The following SAR1B variants were observed in gnomAD, a reference collection of about 807,000 sequenced individuals.
SAR1B encodes secretion associated Ras related GTPase 1B, also known as small COPII coat GTPase SAR1B.
SAR1B carries 23 observed loss-of-function variants against 26.8 expected under a neutral mutation model. That is an observed-to-expected ratio of 0.86 (90% CI 0.62 to 1.22). The LOEUF is 1.22. Among genes scored for constraint, SAR1B ranks in the 50% most tolerant of loss-of-function variants. The probability of loss-of-function intolerance (pLI) is 0.00; values close to 1 mark genes in which losing one functional copy is unlikely to be tolerated. For synonymous variants in SAR1B, 65 were observed against 80.8 expected, an observed-to-expected ratio of 0.80 and a Z score of 1.05; for missense variants, 196 against 232.8, an observed-to-expected ratio of 0.84 and a Z score of 1.03.
intron 4 of SAR1B, 61 bp downstream of exon 4, chr5:134,612,618 CTGGGAGACAGAG>C: frequency 7.6e-7 from 1 of 1,324,178 alleles, no homozygotes; most frequent in Non-Finnish European, 9.8e-7. Context: ...GCACTCCAGC[CTGGGAGACAGAG>C]TGAGCCTGTC....
chr5:134,622,085 C>T lies in SAR1B; in HGVS notation c.59-1033G>A, dbSNP rs1765418851. Among the ~76,000 whole-genome samples, 7 of 152,278 alleles carry T rather than the reference C, an allele frequency of 4.6e-5. No homozygotes were observed. The South Asian group carries it at 1.5e-3, about 32-fold the overall frequency. ...ACAAAATTACATGTGAGCCACCACA[C>T]CTGACTGAAATAAACAAACTTTTAA... On this transcript the variant is annotated intron_variant, in intron 2 of 6. Transcript: ENST00000402673.
intron 4 of SAR1B, 78 bp from the exon 5 acceptor site, chr5:134,609,752 A>G (rs950222277): frequency 1.9e-6 from 2 of 1,076,412 alleles, no homozygotes; most frequent in Admixed American, 3.5e-5. Context: ...GTCCAACCAG[A>G]TATCAAGTGC....
intron 4 of SAR1B, among the ~76,000 whole-genome samples, chr5:134,610,831 T>C (rs1474506617): frequency 6.6e-6 from 1 of 151,458 alleles, no homozygotes; most frequent in African/African-American, 2.4e-5. Context: ...ATCATAAGAG[T>C]AATTTTTTCC....
intron 3 of SAR1B, among the ~76,000 whole-genome samples, chr5:134,620,122 C>A (rs964881686): frequency 6.6e-6 from 1 of 151,940 alleles, no homozygotes; most frequent in African/African-American, 2.4e-5. Context: ...CTGGCTAACA[C>A]GGAGAAACCC....
chr5:134,623,504 T>A (rs370542553), intron 2 of SAR1B, among the ~76,000 whole-genome samples: 37 of 137,854 alleles, frequency 2.7e-4, no homozygotes, highest in East Asian at 6.2e-4. Flanking sequence ...TCTATAAAAT[T>A]AAAAAAAAAA....
At chr5:134,627,039 G>A (rs1388787533) in intron 1 of SAR1B, among the ~76,000 whole-genome samples, 1 of 151,932 alleles carries the variant, frequency 6.6e-6, no homozygotes. Context: ...ATTTACATGA[G>A]TAATTACACA....
intron 1 of SAR1B, among the ~76,000 whole-genome samples, chr5:134,631,415 A>G (rs1765604045): frequency 6.6e-6 from 1 of 152,164 alleles, no homozygotes; most frequent in African/African-American, 2.4e-5. Context: ...CTATACTGGC[A>G]CCACCATTTA....
Position 134,624,088 on chromosome 5 carries a change from A to T in SAR1B, c.-18-51T>A, listed in dbSNP as rs1042674940. On this transcript the variant is annotated intron_variant, in intron 1 of 6. Coordinates refer to ENST00000402673, the MANE Select transcript of SAR1B (RefSeq NM_016103.4). Reference sequence around the variant, plus strand: ...TAGTCAACATTAAACACCAATATACATTAAACTCCAATACTGTTAAACACC... The same window carrying T: ...TAGTCAACATTAAACACCAATATACTTTAAACTCCAATACTGTTAAACACC... 2.1e-5 allele frequency: 21 copies of T among 979,452 alleles called. No homozygotes were observed. The Admixed American group carries it at 3.4e-4, about 16-fold the overall frequency. 60.7% of individuals were successfully genotyped at this position (979,452 alleles called of 1,614,324 possible). A position where few individuals can be genotyped will look rare whatever the true frequency, so the allele number is the denominator to read the frequency against.
Position 134,612,683 on chromosome 5 carries a change from A to AAAATAAAC in SAR1B, c.244+7_244+8insGTTTATTT. ...AAAAAAAAAAAAAAAAAAAAAAAAGAATCTTACCTTGAACATGTCCACCCA... is the reference window on the plus strand; with the variant it reads ...AAAAAAAAAAAAAAAAAAAAAAAAGAAAATAAACATCTTACCTTGAACATGTCCACCCA... On this transcript the variant is annotated splice_region_variant and intron_variant, in intron 4 of 6. Coordinates refer to ENST00000402673, the MANE Select transcript of SAR1B (RefSeq NM_016103.4). 9.5e-7 allele frequency: 1 copy of AAAATAAAC among 1,055,252 alleles called. No individual in the cohort carries two copies. Among genetic ancestry groups the AAAATAAAC allele is most frequent in the Non-Finnish European group, 1.3e-6 (1 of 756,332 alleles). The allele number at this position is 1,055,252 out of a possible 1,614,324, so 65.4% of individuals were successfully genotyped here.
chr5:134,604,172 G>A lies in SAR1B; in HGVS notation c.*2778C>T, dbSNP rs1765092508. Reference sequence around the variant, plus strand: ...ACGGCAGTCAGTGAAACAGGTATGGGATCTCTTTAAAAGTGTAAAAGTGGG... The same window carrying A: ...ACGGCAGTCAGTGAAACAGGTATGGAATCTCTTTAAAAGTGTAAAAGTGGG... On this transcript the variant is annotated 3_prime_UTR_variant, in exon 7 of 7. Transcript: ENST00000402673. The A allele has an allele frequency of 1.3e-5, 2 of 152,182 alleles. No homozygotes were observed. Among genetic ancestry groups the A allele is most frequent in the Admixed American group, 1.3e-4 (2 of 15,268 alleles). 9.4% of individuals were successfully genotyped at this position (152,182 alleles called of 1,614,324 possible). A position where few individuals can be genotyped will look rare whatever the true frequency, so the allele number is the denominator to read the frequency against.
rs115295374 is a variant in SAR1B, at chr5:134,617,435, A to C, written c.178+3498T>G. On this transcript the variant is annotated intron_variant, in intron 3 of 6. Coordinates refer to ENST00000402673, the MANE Select transcript of SAR1B (RefSeq NM_016103.4). ...TGTTTTCTTTTCCACACCAGAATAGATCACATATGCTTTTGATTAATTAAA... is the reference window on the plus strand; with the variant it reads ...TGTTTTCTTTTCCACACCAGAATAGCTCACATATGCTTTTGATTAATTAAA... Among the ~76,000 whole-genome samples the C allele has an allele frequency of 3.6e-3, 554 of 152,256 alleles. 4 individuals carry two copies. Among genetic ancestry groups the C allele is most frequent in the African/African-American group, 0.012 (497 of 41,548 alleles).
At chr5:134,629,724 C>CAAAA (rs996356089) in intron 1 of SAR1B, among the ~76,000 whole-genome samples, 14 of 142,466 alleles carry the variant, frequency 9.8e-5, no homozygotes, top group Admixed American at 1.4e-4. Flanking sequence ...AACAAACAAA[C>CAAAA]AAAAAAAAAC....
Position 134,624,003 on chromosome 5 carries a change from T to C in SAR1B, c.17A>G (p.Asp6Gly), listed in dbSNP as rs1488440231. Residue 6 changes from aspartate to glycine, a missense_variant, in exon 2 of 7, where the codon GAT (aspartate) becomes GGT (glycine). Coordinates refer to ENST00000402673, the MANE Select transcript of SAR1B (RefSeq NM_016103.4). ...ACTGCTGAAACCACTGTAAATCCAA[T>C]CAAATATGAAGGACATATCCAAATC... MSFIFDWIYSGFSSVL... is the reference protein window; with the variant it reads MSFIFGWIYSGFSSVL... 1.2e-6 allele frequency: 2 copies of C among 1,611,316 alleles called. No individual in the cohort carries two copies. The highest frequency in any genetic ancestry group is 2.2e-5 in the East Asian group (1 of 44,800).
At chr5:134,629,696 C>CAAAA (rs1231594316) in intron 1 of SAR1B, among the ~76,000 whole-genome samples, 1 of 148,722 alleles carries the variant, frequency 6.7e-6, no homozygotes, top group African/African-American at 2.5e-5. Context: ...GACTCCATCT[C>CAAAA]AAAAAAACAA....
intron 6 of SAR1B, among the ~76,000 whole-genome samples, chr5:134,607,862 T>C (rs1295522868): frequency 6.6e-6 from 1 of 152,126 alleles, no homozygotes; most frequent in Admixed American, 6.6e-5. Context: ...TTTGTAAATC[T>C]CTGGGGTTCT....
rs1486532506 is a variant in SAR1B at position 134,605,402 on chromosome 5, AG to A, written c.*1547del. The A allele has an allele frequency of 6.6e-6, 1 of 152,232 alleles. No homozygotes were observed. The highest frequency in any genetic ancestry group is 1.5e-5 in the Non-Finnish European group (1 of 68,044). 9.4% of individuals were successfully genotyped at this position (152,232 alleles called of 1,614,324 possible). ...ATGGGAATCTCAAACATATAAAAAA[AG>A]AATTCAGTTTCTTAGGAAATTATAA... On this transcript the variant is annotated 3_prime_UTR_variant, in exon 7 of 7. Transcript: ENST00000402673.
chr5:134,624,916 C>T (rs1318519870), intron 1 of SAR1B, among the ~76,000 whole-genome samples: 2 of 152,000 alleles, frequency 1.3e-5, no homozygotes, highest in African/African-American at 4.8e-5. Context: ...GCGTGAGCCA[C>T]CCCAGGCCTG....
intron 2 of SAR1B, among the ~76,000 whole-genome samples, chr5:134,623,396 C>T (rs147854404): frequency 0.038 from 5,805 of 151,526 alleles, 144 homozygotes; most frequent in Non-Finnish European, 0.056. Flanking sequence ...GCTGAGATCA[C>T]GCCACTGCAC....
intron 3 of SAR1B, among the ~76,000 whole-genome samples, chr5:134,619,409 G>A (rs1294833063): frequency 1.3e-5 from 2 of 151,138 alleles, no homozygotes; most frequent in Non-Finnish European, 3.0e-5. Flanking sequence ...CCCAGGTTAG[G>A]AGTGCAGTGG....
Sources: allele counts gnomAD v4.1 joint callset (sites outside exome capture counted in the v4.1 genomes callset), GRCh38; gene constraint gnomAD v4.1.1; transcripts MANE v1.5; gene names NCBI Gene and HGNC (gene_info 2026-07-23, HGNC 2026-07-21).